The following BARX2 variants were observed in gnomAD, a reference collection of about 807,000 sequenced individuals.
The protein encoded by BARX2 is BARX homeobox 2.
In BARX2, 11 loss-of-function variants were observed where a neutral mutation model predicts 25.5. The observed-to-expected ratio is 0.43, with a 90% CI of 0.27 to 0.71. The LOEUF (loss-of-function observed/expected upper bound fraction) is 0.71, where lower values mean the gene tolerates loss of function less well. BARX2 is among the 30% of genes least tolerant of loss of function. The probability of loss-of-function intolerance (pLI) is 0.19; values close to 1 mark genes in which losing one functional copy is unlikely to be tolerated. For synonymous variants in BARX2, 137 were observed against 149.5 expected (o/e 0.92, Z 0.61); for missense variants, 360 against 359.9 (o/e 1.00, Z 0.00).
intron 1 of BARX2, among the ~76,000 whole-genome samples, chr11:129,419,897 C>T (rs568936034): frequency 4.6e-5 from 7 of 152,192 alleles, no homozygotes; most frequent in Middle Eastern, 3.4e-3. Context: ...TCTCATGCCT[C>T]GGCCTCCCAA....
chr11:129,436,882 T>C lies in BARX2; in HGVS notation c.319T>C (p.Ser107Pro). Reference protein sequence around the residue: ...LSCHQVTEAVSAEAPGGEALA... With the variant: ...LSCHQVTEAVPAEAPGGEALA... The stretch of plus-strand genomic sequence containing the variant: ...CTGCCACCAGGTCACCGAGGCGGTC[T>C]CTGCTGAGGCCCCAGGGGGCGAGGC... Residue 107 changes from serine (S) to proline (P), a missense_variant, in exon 2 of 4, where the codon TCT (serine) becomes CCT (proline). Coordinates refer to ENST00000281437, the MANE Select transcript of BARX2 (RefSeq NM_003658.5). This position sits in a 1 kb window ranked among gnomAD's most constrained non-coding sequence, Gnocchi z 4.5. The C allele has an allele frequency of 6.2e-7, 1 of 1,614,002 alleles. No homozygotes were observed. Among genetic ancestry groups the C allele is most frequent in the Non-Finnish European group, 8.5e-7 (1 of 1,179,988 alleles).
At chr11:129,422,052 T>C (rs1056931611) in intron 1 of BARX2, among the ~76,000 whole-genome samples, 1 of 152,144 alleles carries the variant, frequency 6.6e-6, no homozygotes, top group African/African-American at 2.4e-5. Flanking sequence ...AATACTCTTT[T>C]TCCTCCCCTT....
In BARX2 at chr11:129,376,112, T is replaced by A; in HGVS notation, c.77T>A (p.Met26Lys). The change falls in exon 1 of 4, where the codon ATG becomes AAG. Residue 26 changes from methionine to lysine, a missense_variant. Coordinates refer to ENST00000281437, the MANE Select transcript of BARX2 (RefSeq NM_003658.5). This position sits in a 1 kb window ranked among gnomAD's most constrained non-coding sequence, Gnocchi z 4.2. Reference sequence around the variant, plus strand: ...GCCAGGCGGCGCTACAAGACTTTCATGATCGACGAGATCCTCTCCAAGGAG... The same window carrying A: ...GCCAGGCGGCGCTACAAGACTTTCAAGATCGACGAGATCCTCTCCAAGGAG... ...KAARRRYKTF[M>K]IDEILSKETC... is the part of the protein sequence containing the mutation. 1 of 1,613,252 alleles carries A rather than the reference T, an allele frequency of 6.2e-7. No homozygotes were observed. The highest frequency in any genetic ancestry group is 8.5e-7 in the Non-Finnish European group (1 of 1,179,630).
intron 1 of BARX2, among the ~76,000 whole-genome samples, chr11:129,380,389 G>A (rs1861549935): frequency 6.6e-6 from 1 of 152,110 alleles, no homozygotes; most frequent in African/African-American, 2.4e-5. Context: ...ATTAAATGCG[G>A]TGCAGGTATG....
chr11:129,406,476 C>CTGGA (rs1861831621), intron 1 of BARX2, among the ~76,000 whole-genome samples: 1 of 152,204 alleles, frequency 6.6e-6, no homozygotes, highest in Non-Finnish European at 1.5e-5. Context: ...GTGAATAAGG[C>CTGGA]ACAGTTCCAG....
In BARX2 at chr11:129,376,004, C is replaced by G. The variant is rs1459601463; in HGVS notation, c.-32C>G. 5.9e-6 allele frequency: 8 copies of G among 1,365,504 alleles called. No individual in the cohort carries two copies. Among genetic ancestry groups the G allele is most frequent in the African/African-American group, 1.5e-5 (1 of 65,816 alleles). The allele number at this position is 1,365,504 out of a possible 1,614,324, so 84.6% of individuals were successfully genotyped here. Reference sequence around the variant, plus strand: ...AGCGGGCCGGGCACTCGCAGCCGCGCTCGGGCCGGCGGACGCTCGCGCCGG... The same window carrying G: ...AGCGGGCCGGGCACTCGCAGCCGCGGTCGGGCCGGCGGACGCTCGCGCCGG... On this transcript the variant is annotated 5_prime_UTR_variant, in exon 1 of 4. Transcript: ENST00000281437. This position sits in a 1 kb window ranked among gnomAD's most constrained non-coding sequence, Gnocchi z 4.2.
intron 1 of BARX2, among the ~76,000 whole-genome samples, chr11:129,387,719 C>CA (rs970847090): frequency 2.6e-5 from 4 of 152,004 alleles, no homozygotes; most frequent in African/African-American, 9.7e-5. Flanking sequence ...GGAGTGCTTG[C>CA]TTTTTTTTCT....
In BARX2 at chr11:129,451,308, C is replaced by G; in HGVS notation, c.746C>G (p.Pro249Arg). The change falls in exon 4 of 4, where the codon CCG becomes CGG. Residue 249 changes from proline (P) to arginine (R), a missense_variant. By Grantham distance (103) the Pro-to-Arg change is moderately radical. Transcript: ENST00000281437. ...GQEELCEAQE[P>R]KARDVPLEMA... ...GAGGAGCTCTGTGAAGCACAGGAAC[C>G]GAAAGCACGTGATGTCCCCTTAGAG... 1.2e-6 allele frequency: 2 copies of G among 1,614,122 alleles called. No homozygotes were observed. The highest frequency in any genetic ancestry group is 2.2e-5 in the East Asian group (1 of 44,884).
At chr11:129,426,250 C>T (rs575075096) in intron 1 of BARX2, among the ~76,000 whole-genome samples, 19 of 152,090 alleles carry the variant, frequency 1.2e-4, no homozygotes, top group Admixed American at 2.0e-4. Flanking sequence ...ACAGATTATG[C>T]GTATGGGGAC....
chr11:129,444,699 G>T (rs1283230439), intron 3 of BARX2, among the ~76,000 whole-genome samples: 1 of 152,134 alleles, frequency 6.6e-6, no homozygotes, highest in African/African-American at 2.4e-5. Context: ...GTGGCCGGGA[G>T]AAGTTGAAAT....
intron 1 of BARX2, among the ~76,000 whole-genome samples, chr11:129,392,917 TTTAA>T (rs909081218): frequency 6.6e-6 from 1 of 152,078 alleles, no homozygotes; most frequent in African/African-American, 2.4e-5. Context: ...GGCTAACTTG[TTTAA>T]TTATACCACA....
chr11:129,434,902 C>T (rs1013151335), intron 1 of BARX2, among the ~76,000 whole-genome samples: 8 of 152,170 alleles, frequency 5.3e-5, no homozygotes, highest in African/African-American at 1.9e-4. Context: ...AAATATTTAA[C>T]TCTCTTACAA....
chr11:129,422,050 T>C (rs1862010425), intron 1 of BARX2, among the ~76,000 whole-genome samples: 1 of 152,116 alleles, frequency 6.6e-6, no homozygotes, highest in African/African-American at 2.4e-5. Context: ...TGAATACTCT[T>C]TTTCCTCCCC....
chr11:129,389,605 A>G (rs2135387123), intron 1 of BARX2, among the ~76,000 whole-genome samples: 1 of 152,040 alleles, frequency 6.6e-6, no homozygotes, highest in East Asian at 1.9e-4. Flanking sequence ...CCCCTAGGAA[A>G]TGTTTCATCA....
intron 3 of BARX2, among the ~76,000 whole-genome samples, chr11:129,444,238 CAAAA>C (rs1445801538): frequency 2.7e-5 from 4 of 147,600 alleles, no homozygotes; most frequent in Non-Finnish European, 1.5e-5. Flanking sequence ...AAAAAAAAAA[CAAAA>C]TAAGTAAATT....
chr11:129,419,804 G>A (rs951202914), intron 1 of BARX2, among the ~76,000 whole-genome samples: 4 of 151,910 alleles, frequency 2.6e-5, no homozygotes, highest in Non-Finnish European at 4.4e-5. Flanking sequence ...TTTTTGAGAT[G>A]GAGTCTCACT....
chr11:129,446,195 G>A (rs1862326659), intron 3 of BARX2, among the ~76,000 whole-genome samples: 1 of 152,194 alleles, frequency 6.6e-6, no homozygotes, highest in African/African-American at 2.4e-5. Flanking sequence ...CAGGCTGAAA[G>A]AGCCTCATTA....
intron 1 of BARX2, among the ~76,000 whole-genome samples, chr11:129,432,980 C>T (rs906391510): frequency 6.6e-6 from 1 of 152,058 alleles, no homozygotes; most frequent in Non-Finnish European, 1.5e-5. Flanking sequence ...TTTTATTCCA[C>T]CCACTCCCTT....
rs12285887 is a variant in BARX2 at position 129,383,554 on chromosome 11, G to A, written c.187+7332G>A. 4.1e-3 allele frequency among the ~76,000 whole-genome samples: 622 copies of A among 152,338 alleles called. 1 individual carries two copies. Among genetic ancestry groups the A allele is most frequent in the African/African-American group, 0.014 (597 of 41,578 alleles). ...ATTCTGAAGATTAGGTGATGTTCAA[G>A]TACATCTGAAAAGGGCCCCTGCCAG... On this transcript the variant is annotated intron_variant, in intron 1 of 3. Coordinates refer to ENST00000281437, the MANE Select transcript of BARX2 (RefSeq NM_003658.5).
Sources: gnomAD v4.1 joint callset for allele counts (sites outside exome capture counted in the v4.1 genomes callset) on GRCh38, gnomAD v4.1.1 for gene constraint, Gnocchi (gnomAD v3.1) non-coding constraint, MANE v1.5 for transcripts, NCBI Gene and HGNC (gene_info 2026-07-23, HGNC 2026-07-21) for gene names.